NTRK2: variants seen among roughly 807,000 people sequenced by gnomAD.
NTRK2 encodes the protein neurotrophic receptor tyrosine kinase 2.
NTRK2 carries 13 observed loss-of-function variants against 94.5 expected under a neutral mutation model. The observed-to-expected ratio is 0.14, with a 90% CI of 0.09 to 0.22. NTRK2 has a LOEUF of 0.22. NTRK2 is among the 10% of genes least tolerant of loss of function. The pLI is 1.00. For missense variants in NTRK2, 639 were observed against 1,071.2 expected (o/e 0.60, Z 5.63); for synonymous variants, 372 against 407.4 (o/e 0.91, Z 1.05).
At chr9:84,833,092 T>TTGG (rs925823939) in intron 12 of NTRK2, among the ~76,000 whole-genome samples, 1,886 of 125,192 alleles carry the variant, frequency 0.015, 55 homozygotes, top group African/African-American at 0.054. Flanking sequence ...TTGGGCCTCA[T>TTGG]TGGTGGTGGT....
chr9:84,745,155 A>AAAGT, intron 11 of NTRK2, 82 bp downstream of exon 11: 1 of 923,572 alleles, frequency 1.1e-6, no homozygotes, highest in Non-Finnish European at 1.8e-6. Flanking sequence ...TGCTTCAATA[A>AAAGT]GACACTTTTA....
At chr9:84,742,443 A>C (rs939632522) in intron 10 of NTRK2, among the ~76,000 whole-genome samples, 1 of 152,158 alleles carries the variant, frequency 6.6e-6, no homozygotes, top group Admixed American at 6.5e-5. Context: ...CGCCAGCTTC[A>C]CTGAAGGCTG....
intron 14 of NTRK2, among the ~76,000 whole-genome samples, chr9:84,888,884 C>CAAG (rs2076503360): frequency 6.6e-6 from 1 of 151,524 alleles, no homozygotes; most frequent in Non-Finnish European, 1.5e-5. Flanking sequence ...TCACAAGTCA[C>CAAG]ACAACCTGCT....
intron 12 of NTRK2, among the ~76,000 whole-genome samples, chr9:84,836,172 T>C (rs528853027): frequency 1.3e-5 from 2 of 152,308 alleles, no homozygotes; most frequent in South Asian, 4.1e-4. Context: ...ATTGTGAACA[T>C]TTTATTAATC....
intron 14 of NTRK2, among the ~76,000 whole-genome samples, chr9:84,892,328 A>G (rs946161624): frequency 5.9e-5 from 9 of 152,206 alleles, no homozygotes; most frequent in Non-Finnish European, 1.5e-5. Context: ...CTCACATCTT[A>G]AACCTTCTGT....
intron 17 of NTRK2, among the ~76,000 whole-genome samples, chr9:84,977,792 C>T (rs191092063): frequency 1.5e-4 from 23 of 152,262 alleles, no homozygotes; most frequent in Admixed American, 1.3e-3. Context: ...TCAAGAAAGC[C>T]TATCAGTGCC....
intron 14 of NTRK2, among the ~76,000 whole-genome samples, chr9:84,879,097 A>G (rs1435954814): frequency 6.6e-6 from 1 of 152,128 alleles, no homozygotes; most frequent in Non-Finnish European, 1.5e-5. Flanking sequence ...TATTTGTTGT[A>G]TGTGACTCTC....
chr9:84,764,007 C>G (rs10746749), intron 12 of NTRK2, among the ~76,000 whole-genome samples: 105,499 of 151,990 alleles, frequency 0.69, 36,905 homozygotes, highest in East Asian at 0.74. Flanking sequence ...TTTATCCTCT[C>G]TATTTCCTAT....
chr9:85,021,230 C>T (rs1266182097), intron 18 of NTRK2, 22 bp from the exon 19 acceptor site: 2 of 1,611,224 alleles, frequency 1.2e-6, no homozygotes, highest in Admixed American at 1.7e-5. Context: ...CCTGTCTCAT[C>T]CTATCTTTGA....
At chr9:84,923,308 G>T (rs2077629149) in intron 14 of NTRK2, among the ~76,000 whole-genome samples, 2 of 152,144 alleles carry the variant, frequency 1.3e-5, no homozygotes, top group Non-Finnish European at 2.9e-5. Context: ...TTTCTGAGTT[G>T]CCCAGCTGCA....
intron 17 of NTRK2, among the ~76,000 whole-genome samples, chr9:85,006,565 G>A (rs1830985094): frequency 6.6e-6 from 1 of 152,126 alleles, no homozygotes; most frequent in African/African-American, 2.4e-5. Context: ...AGTGAAGGTG[G>A]GATGGCCAAC....
intron 14 of NTRK2, among the ~76,000 whole-genome samples, chr9:84,910,938 C>A (rs1305061122): frequency 6.6e-6 from 1 of 152,108 alleles, no homozygotes; most frequent in African/African-American, 2.4e-5. Context: ...CAAAAGATTT[C>A]ACTGGGATTT....
At chr9:84,841,042 C>T (rs73651127) in intron 12 of NTRK2, among the ~76,000 whole-genome samples, 1 of 152,318 alleles carries the variant, frequency 6.6e-6, no homozygotes, top group African/African-American at 2.4e-5. Context: ...AGCCCTGAAG[C>T]TCAGTCTTTG....
At chr9:84,799,613 G>A (rs1032838764) in intron 12 of NTRK2, among the ~76,000 whole-genome samples, 1 of 151,988 alleles carries the variant, frequency 6.6e-6, no homozygotes. Flanking sequence ...CTAGAGATTA[G>A]GACATAAATT....
intron 17 of NTRK2, among the ~76,000 whole-genome samples, chr9:84,998,363 C>T (rs1829996110): frequency 6.6e-6 from 1 of 152,176 alleles, no homozygotes; most frequent in Non-Finnish European, 1.5e-5. Context: ...TGCCCCTGGG[C>T]CAGTCCCCTA....
At chr9:84,686,008 C>T (rs1161194738) in intron 2 of NTRK2, among the ~76,000 whole-genome samples, 2 of 152,236 alleles carry the variant, frequency 1.3e-5, no homozygotes, top group African/African-American at 4.8e-5. Context: ...CGGATATGCA[C>T]TCATGAGCAC....
chr9:84,979,794 T>C (rs995897116), intron 17 of NTRK2, among the ~76,000 whole-genome samples: 1 of 152,212 alleles, frequency 6.6e-6, no homozygotes, highest in African/African-American at 2.4e-5. Flanking sequence ...ACCCCAACCT[T>C]TAACAACCAC....
intron 2 of NTRK2, among the ~76,000 whole-genome samples, chr9:84,674,958 A>T (rs74837678): frequency 2.2e-4 from 33 of 152,242 alleles, no homozygotes; most frequent in African/African-American, 7.7e-4. Flanking sequence ...ATATTTCCTT[A>T]TGGGAATTCA....
intron 9 of NTRK2, 81 bp from the exon 10 acceptor site, chr9:84,741,811 C>T: frequency 1.7e-6 from 2 of 1,190,058 alleles, no homozygotes; most frequent in East Asian, 2.4e-5. Flanking sequence ...GTATGTCTAG[C>T]TTATTTTAGT....
Sources: gnomAD v4.1 joint callset for allele counts (sites outside exome capture counted in the v4.1 genomes callset) on GRCh38, gnomAD v4.1.1 for gene constraint, MANE v1.5 for transcripts, NCBI Gene and HGNC (gene_info 2026-07-23, HGNC 2026-07-21) for gene names.